Variants in GPC5 observed in about 807,000 individuals in gnomAD.
GPC5 encodes glypican 5, also known as glypican-5.
GPC5 carries 47 observed loss-of-function variants against 53.9 expected under a neutral mutation model. The observed-to-expected ratio is 0.87, with a 90% confidence interval of 0.69 to 1.11. The LOEUF is 1.11. Ranked by LOEUF, GPC5 falls within the 50% of genes most tolerant of loss-of-function variation. The probability of loss-of-function intolerance (pLI) is 0.00; values close to 1 mark genes in which losing one functional copy is unlikely to be tolerated. For missense variants in GPC5, 748 were observed against 713.1 expected, an observed-to-expected ratio of 1.05 and a Z score of -0.56; for synonymous variants, 286 against 263.3, an observed-to-expected ratio of 1.09 and a Z score of -0.84.
intron 7 of GPC5, among the ~76,000 whole-genome samples, chr13:92,585,097 C>T (rs1409170287): frequency 6.6e-6 from 1 of 152,062 alleles, no homozygotes; most frequent in African/African-American, 2.4e-5. Flanking sequence ...ACACAGAGTC[C>T]CTCCTGGGGC....
chr13:92,537,932 A>G (rs1881777827), intron 7 of GPC5, among the ~76,000 whole-genome samples: 1 of 151,992 alleles, frequency 6.6e-6, no homozygotes, highest in Non-Finnish European at 1.5e-5. Flanking sequence ...GAAATTTTTG[A>G]AAGGGTGGGA....
At chr13:91,630,843 G>T (rs565812006) in intron 2 of GPC5, among the ~76,000 whole-genome samples, 14 of 152,014 alleles carry the variant, frequency 9.2e-5, no homozygotes, top group Admixed American at 6.6e-4. Flanking sequence ...TTGTTTTTTT[G>T]TTTTTTGTTT....
intron 7 of GPC5, among the ~76,000 whole-genome samples, chr13:92,865,199 C>T (rs1034473582): frequency 3.3e-5 from 5 of 152,042 alleles, no homozygotes; most frequent in Non-Finnish European, 7.4e-5. Flanking sequence ...AAGTAATAAC[C>T]AGAATGCGAC....
intron 6 of GPC5, among the ~76,000 whole-genome samples, chr13:92,016,288 G>T (rs2040706344): frequency 6.6e-6 from 1 of 152,266 alleles, no homozygotes; most frequent in South Asian, 2.1e-4. Flanking sequence ...TGTTATACAT[G>T]TTTTTCATAT....
intron 7 of GPC5, among the ~76,000 whole-genome samples, chr13:92,734,521 C>T (rs1038796183): frequency 9.9e-5 from 15 of 151,712 alleles, no homozygotes; most frequent in African/African-American, 3.6e-4. Flanking sequence ...TGAAAAATAA[C>T]AATTATGAAT....
chr13:91,852,513 C>T (rs905627825), intron 5 of GPC5, among the ~76,000 whole-genome samples: 3 of 151,352 alleles, frequency 2.0e-5, no homozygotes, highest in Non-Finnish European at 2.9e-5. Context: ...TATAGATTTG[C>T]TTGTAAGCAA....
chr13:92,276,108 G>A (rs2042873292), intron 7 of GPC5, among the ~76,000 whole-genome samples: 1 of 152,112 alleles, frequency 6.6e-6, no homozygotes, highest in Non-Finnish European at 1.5e-5. Flanking sequence ...CATATGGGAG[G>A]CATCAGTCAG....
At chr13:92,435,459 C>G (rs905963880) in intron 7 of GPC5, among the ~76,000 whole-genome samples, 10 of 152,022 alleles carry the variant, frequency 6.6e-5, no homozygotes, top group Non-Finnish European at 1.2e-4. Flanking sequence ...GAAACAGAAA[C>G]TTTTGTTAGA....
intron 5 of GPC5, among the ~76,000 whole-genome samples, chr13:91,843,402 A>G (rs1483578611): frequency 6.6e-6 from 1 of 152,198 alleles, no homozygotes; most frequent in Non-Finnish European, 1.5e-5. Flanking sequence ...TATGTGAAGG[A>G]TCAGGGACAC....
chr13:91,713,429 A>T (rs1454744017), intron 3 of GPC5, among the ~76,000 whole-genome samples: 1 of 151,940 alleles, frequency 6.6e-6, no homozygotes, highest in Non-Finnish European at 1.5e-5. Context: ...CCTAATATAA[A>T]ACCGAACGTG....
intron 1 of GPC5, among the ~76,000 whole-genome samples, chr13:91,431,357 C>G (rs1403835154): frequency 1.3e-5 from 2 of 152,112 alleles, no homozygotes. Flanking sequence ...TTTCAGGGTT[C>G]CTAGATCTTT....
In GPC5 at chr13:92,202,184, G is replaced by T. The variant is rs185298550; in HGVS notation, c.1561+57195G>T. ...ATGATGGTTTGAAAATACTGTAACTGTAGCTTGGTCATTAGTAATTTTCAG... is the reference window on the plus strand; with the variant it reads ...ATGATGGTTTGAAAATACTGTAACTTTAGCTTGGTCATTAGTAATTTTCAG... On this transcript the variant is annotated intron_variant, in intron 7 of 7. Transcript: ENST00000377067. 2.1e-3 allele frequency among the ~76,000 whole-genome samples: 318 copies of T among 152,266 alleles called. 3 individuals carry two copies. The highest frequency in any genetic ancestry group is 1.4e-3 in the Non-Finnish European group (94 of 68,014).
At chr13:92,765,596 G>A (rs1751697819) in intron 7 of GPC5, among the ~76,000 whole-genome samples, 1 of 152,198 alleles carries the variant, frequency 6.6e-6, no homozygotes, top group Admixed American at 6.5e-5. Flanking sequence ...GGAGTTCTCA[G>A]CATGTGCTGC....
intron 6 of GPC5, among the ~76,000 whole-genome samples, chr13:92,018,192 GC>G (rs1476703886): frequency 6.6e-6 from 1 of 152,036 alleles, no homozygotes; most frequent in Non-Finnish European, 1.5e-5. Flanking sequence ...CCAAAGGTAG[GC>G]ATTTATTTTT....
chr13:91,631,455 C>G (rs1169382715), intron 2 of GPC5, among the ~76,000 whole-genome samples: 1 of 152,014 alleles, frequency 6.6e-6, no homozygotes, highest in Admixed American at 6.6e-5. Context: ...GAGGCAGAAC[C>G]TAGTATGGAC....
chr13:91,451,687 T>C (rs1287154202), intron 2 of GPC5, among the ~76,000 whole-genome samples: 3 of 152,002 alleles, frequency 2.0e-5, no homozygotes, highest in Non-Finnish European at 2.9e-5. Context: ...GCATGATCTT[T>C]GCTCACTGCA....
rs1427313177 is a variant in GPC5, at chr13:91,693,714, A to G, written c.853A>G (p.Met285Val). 1.9e-6 allele frequency: 3 copies of G among 1,614,196 alleles called. No homozygotes were observed. The highest frequency in any genetic ancestry group is 2.2e-5 in the East Asian group (1 of 44,862). Reference sequence around the variant, plus strand: ...TGTCATGCGAGGCTGCCTGGCGCACATGGCGGAGCTTAATCCACACTGGCA... The same window carrying G: ...TGTCATGCGAGGCTGCCTGGCGCACGTGGCGGAGCTTAATCCACACTGGCA... The part of the protein sequence containing the change: ...LNVMRGCLAH[M>V]AELNPHWHAY... The change falls in exon 3 of 8, where the codon ATG (methionine) becomes GTG (valine). Residue 285 changes from methionine to valine, a missense_variant. Physicochemically the swap from Met to Val is conservative, Grantham distance 21 (BLOSUM62 1). Transcript: ENST00000377067.
rs2031218755 is a variant in GPC5, at chr13:91,560,823, G to T, written c.325+111901G>T. On this transcript the variant is annotated intron_variant, in intron 2 of 7. Coordinates refer to ENST00000377067, the MANE Select transcript of GPC5 (RefSeq NM_004466.6). ...TCTGAAGAACCAGTAGCCAAAAGCA[G>T]CTTGAGTCACCACAGTGGAGAGTTC... Among the ~76,000 whole-genome samples, 2 of 152,044 alleles carry T rather than the reference G, an allele frequency of 1.3e-5. 1 individual carries two copies. Among genetic ancestry groups the T allele is most frequent in the South Asian group, 4.1e-4 (2 of 4,832 alleles).
chr13:92,255,942 C>G (rs932185804), intron 7 of GPC5, among the ~76,000 whole-genome samples: 1 of 151,848 alleles, frequency 6.6e-6, no homozygotes, highest in African/African-American at 2.4e-5. Flanking sequence ...CTTTGTATAC[C>G]TTTTTTGGGT....
Sources: gnomAD v4.1 joint callset for allele counts (sites outside exome capture counted in the v4.1 genomes callset) on GRCh38, gnomAD v4.1.1 for gene constraint, MANE v1.5 for transcripts, NCBI Gene and HGNC (gene_info 2026-07-23, HGNC 2026-07-21) for gene names.